The following RARB variants were observed in gnomAD, a reference collection of about 807,000 sequenced individuals.
RARB encodes the protein HBV-activated protein.
RARB carries 17 observed loss-of-function variants against 51.9 expected under a neutral mutation model. The observed-to-expected ratio is 0.33, with a 90% confidence interval of 0.22 to 0.49. The LOEUF is 0.49. Ranked by LOEUF, RARB falls within the 20% of genes least tolerant of loss-of-function variation. RARB has a pLI of 0.99. For synonymous variants in RARB, 215 were observed against 195.4 expected (o/e 1.10, Z -0.84); for missense variants, 369 against 550.8 (o/e 0.67, Z 3.30).
At chr3:25,043,659 T>C (rs1698157410) in intron 2 of RARB, among the ~76,000 whole-genome samples, 1 of 152,166 alleles carries the variant, frequency 6.6e-6, no homozygotes, top group Non-Finnish European at 1.5e-5. Flanking sequence ...GGATACTATT[T>C]ATAATTATAT....
Position 25,429,646 on chromosome 3 carries a change from T to A in RARB, c.157+758T>A, listed in dbSNP as rs568967258. Among the ~76,000 whole-genome samples the A allele has an allele frequency of 4.6e-5, 7 of 152,280 alleles. No homozygotes were observed. The East Asian group carries it at 1.2e-3, about 25-fold the overall frequency. ...GACATCAGTTAAAGGAAAGGAAATATAAGTGGGGTAGCCCAATTTAAAAAA... is the reference window on the plus strand; with the variant it reads ...GACATCAGTTAAAGGAAAGGAAATAAAAGTGGGGTAGCCCAATTTAAAAAA... On this transcript the variant is annotated intron_variant, in intron 1 of 7. Transcript: ENST00000330688.
chr3:25,396,551 G>C (rs562899227), intron 5 of RARB, among the ~76,000 whole-genome samples: 1 of 152,238 alleles, frequency 6.6e-6, no homozygotes, highest in South Asian at 2.1e-4. Context: ...TTGCCCTAAG[G>C]TTACCTGGAT....
chr3:25,548,019 G>A (rs1699686472), intron 3 of RARB, among the ~76,000 whole-genome samples: 1 of 151,710 alleles, frequency 6.6e-6, no homozygotes, highest in African/African-American at 2.4e-5. Flanking sequence ...CAGAAAGGAA[G>A]ATGGGTGATT....
chr3:24,970,505 A>G (rs985509764), intron 2 of RARB, among the ~76,000 whole-genome samples: 10 of 151,796 alleles, frequency 6.6e-5, no homozygotes, highest in Admixed American at 6.6e-4. Context: ...CTGGACTTTT[A>G]AATATCAAAG....
intron 2 of RARB, among the ~76,000 whole-genome samples, chr3:24,869,564 C>T (rs939852225): frequency 1.4e-4 from 22 of 152,044 alleles, no homozygotes; most frequent in Admixed American, 1.2e-3. Flanking sequence ...ATTATTCCCT[C>T]CCCCAATTAG....
chr3:24,832,627 CAATATATA>C (rs1239015151), intron 1 of RARB, among the ~76,000 whole-genome samples: 5 of 79,456 alleles, frequency 6.3e-5, no homozygotes, highest in African/African-American at 2.5e-4. Context: ...AATTGAGTCC[CAATATATA>C]TATATATATA....
At chr3:24,885,544 G>A (rs538307781) in intron 2 of RARB, among the ~76,000 whole-genome samples, 25 of 152,248 alleles carry the variant, frequency 1.6e-4, no homozygotes, top group South Asian at 1.0e-3. Context: ...AATGAGTGCC[G>A]TCTAGCATAG....
At chr3:24,959,627 C>G (rs374137199) in intron 2 of RARB, among the ~76,000 whole-genome samples, 2 of 152,222 alleles carry the variant, frequency 1.3e-5, no homozygotes, top group Non-Finnish European at 2.9e-5. Context: ...TGGCCTTTGC[C>G]AGGGACACTG....
At chr3:25,143,729 A>G (rs73048430) in intron 4 of RARB, among the ~76,000 whole-genome samples, 12,880 of 152,274 alleles carry the variant, frequency 0.085, 708 homozygotes, top group Non-Finnish European at 0.13. Context: ...CTTTGGAATT[A>G]GACTGCTTGA....
At chr3:25,022,942 G>A (rs532909544) in intron 2 of RARB, among the ~76,000 whole-genome samples, 7 of 152,088 alleles carry the variant, frequency 4.6e-5, no homozygotes, top group East Asian at 1.9e-4. Flanking sequence ...ATTCATACTC[G>A]GAGCAACAGA....
intron 2 of RARB, among the ~76,000 whole-genome samples, chr3:25,017,188 C>T (rs1355294824): frequency 6.6e-5 from 10 of 151,738 alleles, no homozygotes; most frequent in Admixed American, 3.3e-4. Context: ...ATCCTGGCCT[C>T]GTTGTTTACA....
At chr3:25,523,815 C>A (rs960561188) in intron 3 of RARB, among the ~76,000 whole-genome samples, 2 of 152,206 alleles carry the variant, frequency 1.3e-5, no homozygotes, top group Non-Finnish European at 2.9e-5. Flanking sequence ...AAAACTTCTG[C>A]AGCAATTTTT....
At chr3:24,924,177 G>A (rs1013053290) in intron 2 of RARB, among the ~76,000 whole-genome samples, 2 of 152,020 alleles carry the variant, frequency 1.3e-5, no homozygotes, top group African/African-American at 4.8e-5. Flanking sequence ...TTCTTAACAG[G>A]AATTCCTAGA....
chr3:25,134,047 T>C (rs1559478732), intron 4 of RARB, among the ~76,000 whole-genome samples: 1 of 151,844 alleles, frequency 6.6e-6, no homozygotes, highest in East Asian at 1.9e-4. Context: ...TGCTCTTCTA[T>C]TTTTTGTTAT....
At chr3:25,320,136 A>T (rs1018718923) in intron 5 of RARB, among the ~76,000 whole-genome samples, 1 of 151,798 alleles carries the variant, frequency 6.6e-6, no homozygotes, top group Admixed American at 6.6e-5. Context: ...AGTCACCCCA[A>T]CCTCTACAAC....
At chr3:25,259,640 G>A (rs1354226921) in intron 5 of RARB, among the ~76,000 whole-genome samples, 4 of 152,096 alleles carry the variant, frequency 2.6e-5, no homozygotes, top group Non-Finnish European at 4.4e-5. Flanking sequence ...ATGAAGTTTC[G>A]GGTTTATCCG....
intron 3 of RARB, among the ~76,000 whole-genome samples, chr3:25,113,770 G>C (rs534759873): frequency 8.0e-4 from 122 of 152,262 alleles, no homozygotes; most frequent in African/African-American, 2.8e-3. Context: ...AGCAGTTCCA[G>C]AAAGTTCCCT....
chr3:25,052,712 T>C (rs1023632998), intron 2 of RARB, among the ~76,000 whole-genome samples: 1 of 152,138 alleles, frequency 6.6e-6, no homozygotes, highest in East Asian at 1.9e-4. Flanking sequence ...GTAAAGTAGA[T>C]TGCAATTTAA....
intron 2 of RARB, among the ~76,000 whole-genome samples, chr3:24,919,566 C>G (rs895904351): frequency 1.3e-5 from 2 of 152,050 alleles, no homozygotes; most frequent in African/African-American, 4.8e-5. Flanking sequence ...TCTTTCACCA[C>G]GTGGCTGCAC....
Sources: allele counts gnomAD v4.1 joint callset (sites outside exome capture counted in the v4.1 genomes callset), GRCh38; gene constraint gnomAD v4.1.1; transcripts MANE v1.5; gene names NCBI Gene and HGNC (gene_info 2026-07-23, HGNC 2026-07-21).